The following GMDS variants were observed in gnomAD, a reference collection of about 807,000 sequenced individuals.
GMDS encodes GDP-mannose 4,6 dehydratase.
Under a neutral mutation model 49.9 loss-of-function variants are expected in GMDS, and 20 were observed. That is an observed-to-expected ratio of 0.40 (90% confidence interval 0.28 to 0.58). The LOEUF (loss-of-function observed/expected upper bound fraction) is 0.58. Among genes scored for constraint, GMDS ranks in the 20% least tolerant of loss-of-function variants. GMDS has a pLI of 0.42. For missense variants in GMDS, 362 were observed against 481.4 expected (o/e 0.75, Z 2.32); for synonymous variants, 177 against 178.6 (o/e 0.99, Z 0.07).
At chr6:2,090,083 T>A (rs546824242) in intron 4 of GMDS, among the ~76,000 whole-genome samples, 1 of 152,356 alleles carries the variant, frequency 6.6e-6, no homozygotes, top group South Asian at 2.1e-4. Context: ...TTCCCACAAG[T>A]ATCAGCCTGA....
At chr6:2,021,806 G>A (rs754898833) in intron 4 of GMDS, among the ~76,000 whole-genome samples, 7 of 152,172 alleles carry the variant, frequency 4.6e-5, no homozygotes, top group Non-Finnish European at 8.8e-5. Flanking sequence ...TCTGTAAGGC[G>A]ATACTAACAA....
At chr6:1,864,450 G>A (rs1758345023) in intron 7 of GMDS, among the ~76,000 whole-genome samples, 1 of 152,148 alleles carries the variant, frequency 6.6e-6, no homozygotes, top group Non-Finnish European at 1.5e-5. Flanking sequence ...AGATTTATAT[G>A]ATCAGACTAC....
At chr6:2,131,294 G>A (rs970660894) in intron 1 of GMDS, among the ~76,000 whole-genome samples, 1 of 152,092 alleles carries the variant, frequency 6.6e-6, no homozygotes, top group East Asian at 1.9e-4. Flanking sequence ...AGACTAAAGG[G>A]TTTAAAACAA....
At chr6:2,010,906 T>TATA (rs1231165810) in intron 4 of GMDS, among the ~76,000 whole-genome samples, 1 of 152,186 alleles carries the variant, frequency 6.6e-6, no homozygotes, top group Non-Finnish European at 1.5e-5. Flanking sequence ...TGGGAAGTGA[T>TATA]ATAATACTGT....
chr6:1,795,135 G>GGTTAC (rs1244356510), intron 7 of GMDS, among the ~76,000 whole-genome samples: 1 of 152,212 alleles, frequency 6.6e-6, no homozygotes, highest in Admixed American at 6.5e-5. Context: ...GGGAGGCAGA[G>GGTTAC]GTTACAGTGA....
At chr6:1,772,649 GT>G (rs1286799250) in intron 7 of GMDS, among the ~76,000 whole-genome samples, 57 of 152,166 alleles carry the variant, frequency 3.7e-4, no homozygotes, top group Non-Finnish European at 1.3e-4. Flanking sequence ...GTATACGTTC[GT>G]GGGGACTGGC....
chr6:2,141,700 A>G (rs944396838), intron 1 of GMDS, among the ~76,000 whole-genome samples: 2 of 152,212 alleles, frequency 1.3e-5, no homozygotes, highest in African/African-American at 4.8e-5. Flanking sequence ...GATGTCAAGG[A>G]AAGGTGACCA....
Position 1,773,282 on chromosome 6 carries a change from G to C in GMDS, c.772-30696C>G, listed in dbSNP as rs947661003. On this transcript the variant is annotated intron_variant, in intron 7 of 10. Transcript: ENST00000380815. Reference sequence around the variant, plus strand: ...GGGTTCTCCAAGGTCTTTCTCAATAGTTATGATATTCCTTGAAAGTAACAG... The same window carrying C: ...GGGTTCTCCAAGGTCTTTCTCAATACTTATGATATTCCTTGAAAGTAACAG... Among the ~76,000 whole-genome samples, 23 of 151,136 alleles carry C rather than the reference G, an allele frequency of 1.5e-4. No individual in the cohort carries two copies. The South Asian group carries it at 3.6e-3, about 23-fold the overall frequency.
chr6:1,782,803 C>T (rs2113614521), intron 7 of GMDS, among the ~76,000 whole-genome samples: 1 of 152,290 alleles, frequency 6.6e-6, no homozygotes, highest in South Asian at 2.1e-4. Context: ...TGGGTGTGAA[C>T]TTGTCTAATT....
At chr6:2,168,138 T>C (rs1288706857) in intron 1 of GMDS, among the ~76,000 whole-genome samples, 2 of 152,110 alleles carry the variant, frequency 1.3e-5, no homozygotes, top group African/African-American at 4.8e-5. Context: ...GCCCCTTCCA[T>C]CTTTATTGTT....
At chr6:1,978,980 C>T (rs1581454370) in intron 4 of GMDS, among the ~76,000 whole-genome samples, 1 of 152,166 alleles carries the variant, frequency 6.6e-6, no homozygotes, top group East Asian at 1.9e-4. Context: ...CTGGAGTGGC[C>T]AGACTATTAA....
chr6:1,722,093 A>G (rs1399503197), intron 9 of GMDS, among the ~76,000 whole-genome samples: 1 of 116,872 alleles, frequency 8.6e-6, no homozygotes, highest in South Asian at 2.7e-4. Flanking sequence ...TTGAGATGGA[A>G]TCTTGCTTTG....
chr6:2,070,815 C>T (rs1771946647), intron 4 of GMDS, among the ~76,000 whole-genome samples: 1 of 152,150 alleles, frequency 6.6e-6, no homozygotes, highest in Non-Finnish European at 1.5e-5. Flanking sequence ...TCTTCCAATT[C>T]CTGAACACAG....
intron 7 of GMDS, among the ~76,000 whole-genome samples, chr6:1,820,424 C>A (rs917009025): frequency 2.0e-5 from 3 of 152,120 alleles, no homozygotes; most frequent in Admixed American, 6.5e-5. Context: ...TGGTTATTAA[C>A]TTGCAAATAT....
At chr6:1,816,049 C>T (rs1165467977) in intron 7 of GMDS, among the ~76,000 whole-genome samples, 2 of 152,218 alleles carry the variant, frequency 1.3e-5, no homozygotes, top group African/African-American at 2.4e-5. Flanking sequence ...TAAACGAGCA[C>T]GCATGCTCAC....
chr6:1,655,585 C>G (rs1763854219), intron 9 of GMDS, among the ~76,000 whole-genome samples: 1 of 151,864 alleles, frequency 6.6e-6, no homozygotes, highest in Non-Finnish European at 1.5e-5. Flanking sequence ...CTCTCTGCAG[C>G]CTCCGCCTCC....
At chr6:1,809,241 G>T (rs1384736154) in intron 7 of GMDS, among the ~76,000 whole-genome samples, 1 of 152,054 alleles carries the variant, frequency 6.6e-6, no homozygotes, top group Non-Finnish European at 1.5e-5. Flanking sequence ...GAATATAAAG[G>T]CAACTGAATA....
intron 7 of GMDS, among the ~76,000 whole-genome samples, chr6:1,832,357 C>T (rs1315220472): frequency 6.6e-6 from 1 of 151,956 alleles, no homozygotes; most frequent in South Asian, 2.1e-4. Context: ...TGAGCCACTG[C>T]ACTCTAGCCT....
rs115655905 is a variant in GMDS, at chr6:2,097,308, C to T, written c.345+18463G>A. ...TCTTGAGAGAGAGTAGAACAGATGG[C>T]TCTAGTCAAAGCCCCTCGGCGACTG... On this transcript the variant is annotated intron_variant, in intron 4 of 10. Coordinates refer to ENST00000380815, the MANE Select transcript of GMDS (RefSeq NM_001500.4). Among the ~76,000 whole-genome samples the T allele has an allele frequency of 4.6e-3, 695 of 152,172 alleles. 1 individual carries two copies. The highest frequency in any genetic ancestry group is 0.014 in the Middle Eastern group (4 of 294).
Sources: allele counts gnomAD v4.1 joint callset (sites outside exome capture counted in the v4.1 genomes callset), GRCh38; gene constraint gnomAD v4.1.1; transcripts MANE v1.5; gene names NCBI Gene and HGNC (gene_info 2026-07-23, HGNC 2026-07-21).